The following PLPPR5 variants were observed in gnomAD, a reference collection of about 807,000 sequenced individuals.
PLPPR5 encodes phospholipid phosphatase-related protein type 5.
A neutral mutation model predicts 33.9 loss-of-function variants in PLPPR5; 16 were observed. The ratio of observed to expected loss-of-function variants is 0.47; its 90% CI spans 0.32 to 0.72. PLPPR5 has a LOEUF of 0.72. Among genes scored for constraint, PLPPR5 ranks in the 30% least tolerant of loss-of-function variants. The pLI, the probability that PLPPR5 is intolerant of heterozygous loss-of-function variation, is 0.03. For synonymous variants in PLPPR5, 163 were observed against 150.3 expected (o/e 1.08, Z -0.62); for missense variants, 301 against 406.7 (o/e 0.74, Z 2.23).
chr1:98,939,354 G>A (rs1650293336), intron 3 of PLPPR5, among the ~76,000 whole-genome samples: 1 of 148,276 alleles, frequency 6.7e-6, no homozygotes, highest in Non-Finnish European at 1.5e-5. Flanking sequence ...CACTGAAGAT[G>A]TGCAGATTAA....
rs570754939 is a variant in PLPPR5, at chr1:98,910,430, A to T, written c.933+4356T>A. Among the ~76,000 whole-genome samples, 7 of 152,338 alleles carry T rather than the reference A, an allele frequency of 4.6e-5. No individual in the cohort carries two copies. The East Asian group carries it at 1.4e-3, about 29-fold the overall frequency. On this transcript the variant is annotated intron_variant, in intron 5 of 5. Transcript: ENST00000263177. ...AGTTTAAGTAGAATGAAGTATAATG[A>T]AACCAATTTGACCACAGGCTAATTG...
At chr1:98,942,172 A>G (rs1207279530) in intron 3 of PLPPR5, among the ~76,000 whole-genome samples, 1 of 147,796 alleles carries the variant, frequency 6.8e-6, no homozygotes, top group African/African-American at 2.4e-5. Flanking sequence ...CCTGAATTCA[A>G]GCGATTCTCC....
At chr1:98,966,541 G>A (rs1651457158) in intron 1 of PLPPR5, among the ~76,000 whole-genome samples, 1 of 152,148 alleles carries the variant, frequency 6.6e-6, no homozygotes, top group African/African-American at 2.4e-5. Context: ...ACCTATATAT[G>A]TTACTAGCCG....
At chr1:98,905,057 G>A (rs1297551669) in intron 5 of PLPPR5, among the ~76,000 whole-genome samples, 3 of 152,120 alleles carry the variant, frequency 2.0e-5, no homozygotes, top group Admixed American at 6.6e-5. Context: ...GGATTCTTAC[G>A]ATAGCCTTTC....
At position 98,897,676 on chromosome 1, in the gene PLPPR5, G is replaced by A. The variant is rs539833931; in HGVS notation, c.934-4572C>T. ...TTTATGTCTCTGACTCTGTTGCTGC[G>A]GAAGCTGTGTGGTACAGTGGTCTTT... On this transcript the variant is annotated intron_variant, in intron 5 of 5. Transcript: ENST00000263177. 4.6e-5 allele frequency among the ~76,000 whole-genome samples: 7 copies of A among 152,200 alleles called. No homozygotes were observed. The South Asian group carries it at 6.2e-4, about 13-fold the overall frequency.
intron 5 of PLPPR5, among the ~76,000 whole-genome samples, chr1:98,894,141 C>T (rs1025911357): frequency 2.0e-5 from 3 of 151,944 alleles, no homozygotes; most frequent in African/African-American, 7.3e-5. Flanking sequence ...CTAGGCTTGA[C>T]CCACTTAATA....
Position 98,959,231 on chromosome 1 carries a change from A to C in PLPPR5, c.238-2490T>G, listed in dbSNP as rs1365488696. Among the ~76,000 whole-genome samples, 3 of 152,164 alleles carry C rather than the reference A, an allele frequency of 2.0e-5. No individual in the cohort carries two copies. In the South Asian group the frequency reaches 6.2e-4, roughly 31 times the overall value. ...AATTCTTTTTAGTTACCAGGGTCTT[A>C]ACAGACCAAGAACTGCCTTGCTGGG... is the stretch of plus-strand genomic sequence containing the variant. On this transcript the variant is annotated intron_variant, in intron 1 of 5. Transcript: ENST00000263177.
At chr1:98,900,945 T>C (rs749206038) in intron 5 of PLPPR5, among the ~76,000 whole-genome samples, 26 of 152,204 alleles carry the variant, frequency 1.7e-4, no homozygotes, top group Non-Finnish European at 3.7e-4. Context: ...AAGGTAAATA[T>C]ATGTTTACCA....
chr1:98,956,749 GA>G lies in PLPPR5; in HGVS notation c.238-9del. The G allele has an allele frequency of 1.3e-6, 2 of 1,533,038 alleles. No individual in the cohort carries two copies. The highest frequency in any genetic ancestry group is 1.7e-6 in the Non-Finnish European group (2 of 1,142,958). The allele number at this position is 1,533,038 out of a possible 1,614,324, so 95.0% of individuals were successfully genotyped here. A position where few individuals can be genotyped will look rare whatever the true frequency, so the allele number is the denominator to read the frequency against. Reference sequence around the variant, plus strand: ...AGTTTCTCCAACTATTATCTTGAAAGAAAATAAAAGATTAAGGAATATTAGA... The same window carrying G: ...AGTTTCTCCAACTATTATCTTGAAAGAAATAAAAGATTAAGGAATATTAGA... On this transcript the variant is annotated splice_polypyrimidine_tract_variant and intron_variant, in intron 1 of 5. Transcript: ENST00000263177.
At position 98,956,688 on chromosome 1, in the gene PLPPR5, A is replaced by G. The variant is rs199910932; in HGVS notation, c.291T>C (p.Phe97=). 37 of 1,600,964 alleles carry G rather than the reference A, an allele frequency of 2.3e-5. No individual in the cohort carries two copies. Among genetic ancestry groups the G allele is most frequent in the Non-Finnish European group, 2.8e-5 (33 of 1,175,122 alleles). The change falls in exon 2 of 6, where the codon TTT becomes TTC. Residue 97 remains phenylalanine, a synonymous_variant. Coordinates refer to ENST00000263177, the MANE Select transcript of PLPPR5 (RefSeq NM_001037317.2). ...TTAAAATAGTTTTTTCCTGGTTTTC[A>G]AAATCCCTTGTGGCTAGTTGTAGGC... ...VFCLQLATRD[F]ENQEKTILTG...
intron 3 of PLPPR5, among the ~76,000 whole-genome samples, chr1:98,944,431 G>C (rs1168029507): frequency 6.6e-6 from 1 of 152,210 alleles, no homozygotes; most frequent in Non-Finnish European, 1.5e-5. Flanking sequence ...GGTATTAAGA[G>C]GTGGAGTGCT....
At chr1:98,907,855 A>T (rs1444513327) in intron 5 of PLPPR5, among the ~76,000 whole-genome samples, 1 of 152,168 alleles carries the variant, frequency 6.6e-6, no homozygotes, top group African/African-American at 2.4e-5. Flanking sequence ...AAGACTACTG[A>T]TTAGTTCAGT....
chr1:98,911,894 G>A (rs1448599977), intron 5 of PLPPR5, among the ~76,000 whole-genome samples: 1 of 151,960 alleles, frequency 6.6e-6, no homozygotes, highest in Non-Finnish European at 1.5e-5. Context: ...TGAGTCTCTA[G>A]TACTACAGGC....
chr1:98,985,634 G>A (rs1178605180), intron 1 of PLPPR5, among the ~76,000 whole-genome samples: 1 of 151,820 alleles, frequency 6.6e-6, no homozygotes, highest in Non-Finnish European at 1.5e-5. Flanking sequence ...CCCTATACAG[G>A]TGTACCATTT....
intron 5 of PLPPR5, among the ~76,000 whole-genome samples, chr1:98,893,815 C>A (rs765414703): frequency 6.6e-6 from 1 of 151,712 alleles, no homozygotes; most frequent in Non-Finnish European, 1.5e-5. Flanking sequence ...TGACTGACAA[C>A]CCCAACAAAT....
chr1:98,928,400 T>C (rs1649839503), intron 3 of PLPPR5, among the ~76,000 whole-genome samples: 1 of 151,596 alleles, frequency 6.6e-6, no homozygotes, highest in Non-Finnish European at 1.5e-5. Context: ...TTAGAAAATT[T>C]TGAAAAAGAA....
At chr1:98,999,621 T>C (rs1460680967) in intron 1 of PLPPR5, among the ~76,000 whole-genome samples, 1 of 152,184 alleles carries the variant, frequency 6.6e-6, no homozygotes, top group Non-Finnish European at 1.5e-5. Flanking sequence ...ACCACGGGAA[T>C]GTTCCAGGAA....
intron 1 of PLPPR5, among the ~76,000 whole-genome samples, chr1:99,003,085 A>ATATATATATG (rs1652927618): frequency 7.3e-6 from 1 of 137,214 alleles, no homozygotes; most frequent in Non-Finnish European, 1.6e-5. Flanking sequence ...ATATATATAT[A>ATATATATATG]TATATATATA....
chr1:98,973,847 T>G (rs946060063), intron 1 of PLPPR5, among the ~76,000 whole-genome samples: 9 of 146,260 alleles, frequency 6.2e-5, no homozygotes, highest in Non-Finnish European at 1.3e-4. Context: ...CCAAGTGAGG[T>G]GCCGGTACTT....
Sources: allele counts gnomAD v4.1 joint callset (sites outside exome capture counted in the v4.1 genomes callset), GRCh38; gene constraint gnomAD v4.1.1; transcripts MANE v1.5; gene names NCBI Gene and HGNC (gene_info 2026-07-23, HGNC 2026-07-21).